PGGT1B: variants seen among roughly 807,000 people sequenced by gnomAD.
PGGT1B encodes the protein geranylgeranyl transferase type-1 subunit beta.
PGGT1B carries 30 observed loss-of-function variants against 46.1 expected under a neutral mutation model. The ratio of observed to expected loss-of-function variants is 0.65; its 90% CI spans 0.49 to 0.88. The LOEUF (loss-of-function observed/expected upper bound fraction) is 0.88. PGGT1B is among the 40% of genes least tolerant of loss of function. The pLI, the probability that PGGT1B is intolerant of heterozygous loss-of-function variation, is 0.00. For synonymous variants in PGGT1B, 170 were observed against 160.0 expected (o/e 1.06, Z -0.47); for missense variants, 376 against 455.9 (o/e 0.82, Z 1.60).
At chr5:115,254,348 G>A (rs975104848) in intron 1 of PGGT1B, among the ~76,000 whole-genome samples, 10 of 151,876 alleles carry the variant, frequency 6.6e-5, no homozygotes, top group African/African-American at 2.4e-4. Context: ...CACTGGGACA[G>A]GACCCAAATC....
chr5:115,217,757 A>T (rs995192493), intron 7 of PGGT1B, among the ~76,000 whole-genome samples: 1 of 152,024 alleles, frequency 6.6e-6, no homozygotes, highest in Non-Finnish European at 1.5e-5. Flanking sequence ...GTTATGGTAC[A>T]AACAGGAAAC....
intron 2 of PGGT1B, among the ~76,000 whole-genome samples, chr5:115,245,275 T>C (rs1384662360): frequency 2.0e-5 from 3 of 152,236 alleles, no homozygotes; most frequent in African/African-American, 7.2e-5. Flanking sequence ...TTTATTCATC[T>C]TCTTAGAGGT....
chr5:115,253,095 C>T (rs1325911291), intron 2 of PGGT1B, 42 bp downstream of exon 2: 2 of 1,570,766 alleles, frequency 1.3e-6, no homozygotes, highest in Non-Finnish European at 1.7e-6. Context: ...ATGTCAGGTA[C>T]AACCAGTCAC....
chr5:115,210,495 C>T lies in PGGT1B; in HGVS notation c.*1907G>A, dbSNP rs1355152374. 6.6e-6 allele frequency: 1 copy of T among 151,966 alleles called. No homozygotes were observed. Among genetic ancestry groups the T allele is most frequent in the Non-Finnish European group, 1.5e-5 (1 of 67,934 alleles). The allele number at this position is 151,966 out of a possible 1,614,324, so 9.4% of individuals were successfully genotyped here. A position where few individuals can be genotyped will look rare whatever the true frequency, so the allele number is the denominator to read the frequency against. ...TCCATAAAGTTTCACAAGAAAGTCT[C>T]CCACAAGTGTATCAATTAGAAGCAT... On this transcript the variant is annotated 3_prime_UTR_variant, in exon 9 of 9. Transcript: ENST00000419445.
intron 2 of PGGT1B, among the ~76,000 whole-genome samples, chr5:115,242,963 T>G (rs960528711): frequency 1.6e-5 from 2 of 128,212 alleles, no homozygotes; most frequent in Non-Finnish European, 3.7e-5. Context: ...TCAAACTGTC[T>G]TGAAAAAAAA....
At chr5:115,256,326 T>A (rs1192942419) in intron 1 of PGGT1B, among the ~76,000 whole-genome samples, 1 of 152,204 alleles carries the variant, frequency 6.6e-6, no homozygotes, top group Non-Finnish European at 1.5e-5. Flanking sequence ...CATACTCTTA[T>A]CTGTATACGT....
At chr5:115,219,620 T>C (rs1394394674) in intron 7 of PGGT1B, among the ~76,000 whole-genome samples, 1 of 151,822 alleles carries the variant, frequency 6.6e-6, no homozygotes, top group Non-Finnish European at 1.5e-5. Flanking sequence ...CAAAAAACTT[T>C]TGTGCGTTAA....
At chr5:115,242,989 T>C (rs1276497352) in intron 2 of PGGT1B, among the ~76,000 whole-genome samples, 1 of 151,562 alleles carries the variant, frequency 6.6e-6, no homozygotes, top group Non-Finnish European at 1.5e-5. Flanking sequence ...ATACTAATGG[T>C]GATTATGATT....
intron 2 of PGGT1B, among the ~76,000 whole-genome samples, chr5:115,247,309 G>A (rs1197872349): frequency 6.6e-6 from 1 of 152,078 alleles, no homozygotes; most frequent in East Asian, 1.9e-4. Flanking sequence ...ACTGTATTGT[G>A]AAATATAAAA....
chr5:115,231,652 T>C (rs887105676), intron 5 of PGGT1B: 2 of 152,112 alleles, frequency 1.3e-5, no homozygotes, highest in Non-Finnish European at 2.9e-5. Flanking sequence ...GCAAGGGTGA[T>C]TTATGAAAAA....
intron 6 of PGGT1B, among the ~76,000 whole-genome samples, chr5:115,223,247 T>C (rs1244512391): frequency 6.6e-6 from 1 of 152,158 alleles, no homozygotes; most frequent in Non-Finnish European, 1.5e-5. Context: ...GTAGGCTGAA[T>C]AATGCCTCCC....
At chr5:115,255,939 A>T (rs1262541665) in intron 1 of PGGT1B, among the ~76,000 whole-genome samples, 1 of 152,214 alleles carries the variant, frequency 6.6e-6, no homozygotes, top group East Asian at 1.9e-4. Context: ...GCTTAAAAAC[A>T]AACGACCAAA....
intron 3 of PGGT1B, among the ~76,000 whole-genome samples, chr5:115,240,150 G>C (rs1757305479): frequency 6.6e-6 from 1 of 152,104 alleles, no homozygotes; most frequent in African/African-American, 2.4e-5. Context: ...ACAGCATGAA[G>C]TGAGACCTAG....
intron 1 of PGGT1B, among the ~76,000 whole-genome samples, chr5:115,262,110 T>G (rs1748582488): frequency 6.6e-6 from 1 of 152,202 alleles, no homozygotes; most frequent in African/African-American, 2.4e-5. Context: ...CTTTCTTTCT[T>G]CTCATCCCCA....
At chr5:115,222,796 G>A (rs1472549638) in intron 6 of PGGT1B, among the ~76,000 whole-genome samples, 3 of 152,120 alleles carry the variant, frequency 2.0e-5, no homozygotes, top group African/African-American at 7.2e-5. Flanking sequence ...CCATAAAAAC[G>A]GATGAGTTCA....
intron 1 of PGGT1B, among the ~76,000 whole-genome samples, chr5:115,256,792 T>C (rs547186383): frequency 2.0e-5 from 3 of 152,354 alleles, no homozygotes; most frequent in East Asian, 1.9e-4. Context: ...TAGGGTTTTA[T>C]GGTTCCTAGA....
chr5:115,240,038 C>G (rs1290225598), intron 3 of PGGT1B, among the ~76,000 whole-genome samples: 1 of 152,238 alleles, frequency 6.6e-6, no homozygotes, highest in Non-Finnish European at 1.5e-5. Context: ...TTGGCCTAAT[C>G]TGTCTCCTAG....
chr5:115,223,237 G>A (rs1036803982), intron 6 of PGGT1B, among the ~76,000 whole-genome samples: 1 of 152,164 alleles, frequency 6.6e-6, no homozygotes, highest in Non-Finnish European at 1.5e-5. Flanking sequence ...TACCCACTGC[G>A]TAGGCTGAAT....
At chr5:115,222,061 A>T in intron 6 of PGGT1B, 53 bp from the exon 7 acceptor site, 1 of 1,041,316 alleles carries the variant, frequency 9.6e-7, no homozygotes, top group Non-Finnish European at 1.4e-6. Context: ...TGCTTATGAA[A>T]ATAGTACAAA....
Sources: gnomAD v4.1 joint callset for allele counts (sites outside exome capture counted in the v4.1 genomes callset) on GRCh38, gnomAD v4.1.1 for gene constraint, MANE v1.5 for transcripts, NCBI Gene and HGNC (gene_info 2026-07-23, HGNC 2026-07-21) for gene names.